ATAD2B: variants seen among roughly 807,000 people sequenced by gnomAD.
ATAD2B encodes ATPase family AAA domain-containing protein 2B.
A neutral mutation model predicts 167.6 loss-of-function variants in ATAD2B; 40 were observed. The observed-to-expected ratio is 0.24, with a 90% CI of 0.19 to 0.31. The LOEUF (loss-of-function observed/expected upper bound fraction) is 0.31. Among genes scored for constraint, ATAD2B ranks in the 10% least tolerant of loss-of-function variants. The pLI, the probability that ATAD2B is intolerant of heterozygous loss-of-function variation, is 1.00. For synonymous variants in ATAD2B, 579 were observed against 596.5 expected (o/e 0.97, Z 0.43); for missense variants, 1,242 against 1,757.2 (o/e 0.71, Z 5.24).
the ATAD2B span, chr2:23,706,375 T>C: frequency 1.1e-6 from 1 of 875,976 alleles, no homozygotes; most frequent in Non-Finnish European, 1.6e-6. Flanking sequence ...AGATGCCTTC[T>C]GCAAAAGGCA....
chr2:23,726,348 C>G, the ATAD2B span, among the ~76,000 whole-genome samples: 1 of 151,318 alleles, frequency 6.6e-6, no homozygotes, highest in Non-Finnish European at 1.5e-5. Context: ...AATAGCCTTA[C>G]TGATAACATA....
the ATAD2B span, among the ~76,000 whole-genome samples, chr2:23,721,350 T>C: frequency 6.6e-6 from 1 of 151,644 alleles, no homozygotes; most frequent in South Asian, 2.1e-4. Context: ...CCAGGCCAGC[T>C]GATCAGCTAT....
the ATAD2B span, among the ~76,000 whole-genome samples, chr2:23,742,152 C>T: frequency 6.6e-6 from 1 of 152,144 alleles, no homozygotes; most frequent in African/African-American, 2.4e-5. Flanking sequence ...GTGGCGATTC[C>T]TCAGGGACCT....
chr2:23,921,221 A>AAAC (rs1161595407), intron 1 of ATAD2B, among the ~76,000 whole-genome samples: 1 of 150,618 alleles, frequency 6.6e-6, no homozygotes, highest in Non-Finnish European at 1.5e-5. Context: ...AAAAAAAAAA[A>AAAC]AAAAAAAAAC....
intron 6 of ATAD2B, chr2:23,883,551 C>G (rs1336447802): frequency 8.7e-7 from 1 of 1,144,318 alleles, no homozygotes; most frequent in Non-Finnish European, 1.2e-6. Flanking sequence ...CAAAGATGTT[C>G]AGTTAATGAA....
intron 13 of ATAD2B, among the ~76,000 whole-genome samples, chr2:23,838,570 C>T (rs538899554): frequency 3.1e-4 from 47 of 152,318 alleles, no homozygotes; most frequent in South Asian, 8.3e-4. Context: ...TTGCTTGTCT[C>T]AAATTCTGTC....
chr2:23,765,543 T>C lies in ATAD2B; in HGVS notation c.3219A>G (p.Lys1073=). The C allele has an allele frequency of 6.3e-7, 1 of 1,584,552 alleles. No individual in the cohort carries two copies. Among genetic ancestry groups the C allele is most frequent in the Non-Finnish European group, 8.6e-7 (1 of 1,161,246 alleles). The change falls in exon 23 of 28, where the codon AAA becomes AAG. Residue 1073 remains lysine (K), a synonymous_variant. Coordinates refer to ENST00000238789, the MANE Select transcript of ATAD2B (RefSeq NM_017552.4). The part of the protein sequence containing the change: ...IAAELDPEFN[K]LCEEIKEARI... Reference sequence around the variant, plus strand: ...TTGCTTCCTTAATTTCCTCACAAAGTTTATTAAATTCTGGATCTAATTCAG... The same window carrying C: ...TTGCTTCCTTAATTTCCTCACAAAGCTTATTAAATTCTGGATCTAATTCAG...
rs1394103868 is a variant in ATAD2B at position 23,757,740 on chromosome 2, G to A, written c.3756C>T (p.Asn1252=). The change falls in exon 25 of 28, where the codon AAC becomes AAT. Residue 1252 remains asparagine, a synonymous_variant. Transcript: ENST00000238789. ...TCTCTTTCCTGGAGGTCTGCTCCGG[G>A]TTTAAGGAACTGCTGCTGTTGACCA... ...SLLVNSSSSL[N]PEQTSRKETF... 1 of 1,605,038 alleles carries A rather than the reference G, an allele frequency of 6.2e-7. No homozygotes were observed. The highest frequency in any genetic ancestry group is 8.5e-7 in the Non-Finnish European group (1 of 1,177,044).
At chr2:23,805,543 G>C (rs1684231885) in intron 18 of ATAD2B, among the ~76,000 whole-genome samples, 1 of 152,166 alleles carries the variant, frequency 6.6e-6, no homozygotes, top group African/African-American at 2.4e-5. Flanking sequence ...ACACGACACA[G>C]TGACAAATAT....
At chr2:23,719,756 CCTTAT>C in the ATAD2B span, among the ~76,000 whole-genome samples, 1 of 152,130 alleles carries the variant, frequency 6.6e-6, no homozygotes, top group East Asian at 1.9e-4. Context: ...GGAGTCCTGT[CCTTAT>C]CTTAACCCAC....
At chr2:23,779,708 G>A (rs1334305834) in intron 22 of ATAD2B, among the ~76,000 whole-genome samples, 1 of 152,026 alleles carries the variant, frequency 6.6e-6, no homozygotes, top group Non-Finnish European at 1.5e-5. Flanking sequence ...GCTGTTATAT[G>A]AGATCTACAT....
rs1675386482 is a variant in ATAD2B, at chr2:23,751,829, A to T, written c.*217T>A. The T allele has an allele frequency of 1.9e-6, 1 of 533,868 alleles. No homozygotes were observed. Among genetic ancestry groups the T allele is most frequent in the Non-Finnish European group, 3.3e-6 (1 of 299,124 alleles). The allele number at this position is 533,868 out of a possible 1,614,324, so 33.1% of individuals were successfully genotyped here. On this transcript the variant is annotated 3_prime_UTR_variant, in exon 28 of 28. Transcript: ENST00000238789. ...GGGTTGTATTTTTTATTTGTGGAAA[A>T]TACAACATGTTTCTGAAGTTCTGTT...
rs371899679 is a variant in ATAD2B at position 23,772,695 on chromosome 2, T to C, written c.3134-7067A>G. 6.0e-5 allele frequency among the ~76,000 whole-genome samples: 9 copies of C among 151,078 alleles called. No individual in the cohort carries two copies. The East Asian group carries it at 1.2e-3, about 20-fold the overall frequency. ...ATGGAAGACAAGGAATATATTCTTT[T>C]AAAAAAATCTGCATTTGAGAGGGAA... is the stretch of plus-strand genomic sequence containing the variant. On this transcript the variant is annotated intron_variant, in intron 22 of 27. Transcript: ENST00000238789.
intron 23 of ATAD2B, among the ~76,000 whole-genome samples, chr2:23,763,646 G>A (rs1020561743): frequency 6.6e-6 from 1 of 152,178 alleles, no homozygotes; most frequent in African/African-American, 2.4e-5. Flanking sequence ...GTGGACTGCA[G>A]TGGCATGAAC....
In ATAD2B at chr2:23,885,008, AG is replaced by A. The variant is rs536925892; in HGVS notation, c.676-136del. ...GCGTGCCATAGATTCGTGAAAATGG[AG>A]CTTCCTAAATTCAATAAATGTAAGA... On this transcript the variant is annotated intron_variant, in intron 5 of 27. Coordinates refer to ENST00000238789, the MANE Select transcript of ATAD2B (RefSeq NM_017552.4). The A allele has an allele frequency of 3.2e-4, 137 of 432,346 alleles. No homozygotes were observed. The East Asian group carries it at 4.6e-3, about 15-fold the overall frequency. The allele number at this position is 432,346 out of a possible 1,614,324, so 26.8% of individuals were successfully genotyped here. A position where few individuals can be genotyped will look rare whatever the true frequency, so the allele number is the denominator to read the frequency against.
At position 23,788,440 on chromosome 2, in the gene ATAD2B, T is replaced by C. The variant is rs1308413874; in HGVS notation, c.2776+72A>G. On this transcript the variant is annotated intron_variant, in intron 20 of 27. Coordinates refer to ENST00000238789, the MANE Select transcript of ATAD2B (RefSeq NM_017552.4). ...CACTTCCAAGAAGAAAGGGCTAAAA[T>C]AAACTGACTCCAAGAAAGGGTATTT... The C allele has an allele frequency of 2.0e-6, 3 of 1,509,998 alleles. No individual in the cohort carries two copies. The Admixed American group carries it at 5.8e-5, about 29-fold the overall frequency. The allele number at this position is 1,509,998 out of a possible 1,614,324, so 93.5% of individuals were successfully genotyped here. A position where few individuals can be genotyped will look rare whatever the true frequency, so the allele number is the denominator to read the frequency against.
chr2:23,825,754 C>T (rs1688152605), intron 15 of ATAD2B, among the ~76,000 whole-genome samples: 2 of 148,190 alleles, frequency 1.3e-5, no homozygotes, highest in Admixed American at 1.4e-4. Flanking sequence ...ATTTTAAGTG[C>T]AAAAGCCTAA....
the ATAD2B span, chr2:23,706,822 A>G: frequency 1.8e-6 from 1 of 560,964 alleles, no homozygotes; most frequent in Non-Finnish European, 3.0e-6. Flanking sequence ...TGAATGTAGA[A>G]AATCATCCTC....
At chr2:23,762,763 C>T (rs897687293) in intron 23 of ATAD2B, among the ~76,000 whole-genome samples, 13 of 152,192 alleles carry the variant, frequency 8.5e-5, no homozygotes, top group African/African-American at 2.9e-4. Flanking sequence ...TGCTTCCTGT[C>T]GCACCACACT....
Sources: gnomAD v4.1 joint callset for allele counts (sites outside exome capture counted in the v4.1 genomes callset) on GRCh38, gnomAD v4.1.1 for gene constraint, MANE v1.5 for transcripts, NCBI Gene and HGNC (gene_info 2026-07-23, HGNC 2026-07-21) for gene names.